The following NEK1 variants were observed in gnomAD, a reference collection of about 807,000 sequenced individuals.
The protein encoded by NEK1 is NIMA related kinase 1.
NEK1 carries 137 observed loss-of-function variants against 182.1 expected under a neutral mutation model. The ratio of observed to expected loss-of-function variants is 0.75; its 90% confidence interval spans 0.65 to 0.87. The LOEUF (loss-of-function observed/expected upper bound fraction) is 0.87. NEK1 is among the 40% of genes least tolerant of loss of function. The pLI is 0.00. For synonymous variants in NEK1, 513 were observed against 492.2 expected (o/e 1.04, Z -0.56); for missense variants, 1,391 against 1,494.4 (o/e 0.93, Z 1.14).
chr4:169,571,950 T>C (rs1764938500), intron 12 of NEK1, among the ~76,000 whole-genome samples: 1 of 149,376 alleles, frequency 6.7e-6, no homozygotes, highest in South Asian at 2.1e-4. Flanking sequence ...ATGTTGGCCA[T>C]GATGGTCTCA....
At chr4:169,401,534 G>T (rs559882950) in intron 33 of NEK1, 118 bp downstream of exon 33, 2 of 687,654 alleles carry the variant, frequency 2.9e-6, no homozygotes, top group Non-Finnish European at 4.6e-6. Context: ...AGACCCAGAG[G>T]CATGCTTCAG....
intron 19 of NEK1, among the ~76,000 whole-genome samples, chr4:169,513,738 A>G (rs962152286): frequency 1.3e-5 from 2 of 152,054 alleles, no homozygotes; most frequent in Admixed American, 6.5e-5. Flanking sequence ...ATTCCCCTGT[A>G]TTTCTAGTGT....
chr4:169,499,952 C>G (rs1752111752), intron 23 of NEK1, among the ~76,000 whole-genome samples: 1 of 152,186 alleles, frequency 6.6e-6, no homozygotes, highest in African/African-American at 2.4e-5. Flanking sequence ...TTTAAGTCTG[C>G]AGAGGATTCT....
chr4:169,592,805 AG>A (rs1768765393), intron 5 of NEK1, among the ~76,000 whole-genome samples: 1 of 152,192 alleles, frequency 6.6e-6, no homozygotes, highest in African/African-American at 2.4e-5. Flanking sequence ...TTAAGTATAA[AG>A]ATCAAAAACA....
At chr4:169,591,727 A>G (rs560132366) in intron 5 of NEK1, among the ~76,000 whole-genome samples, 13 of 152,316 alleles carry the variant, frequency 8.5e-5, no homozygotes, top group African/African-American at 3.1e-4. Context: ...GTAATAATTG[A>G]CTAAAGCAGG....
At chr4:169,461,846 C>CT (rs1165669446) in intron 27 of NEK1, among the ~76,000 whole-genome samples, 2 of 152,054 alleles carry the variant, frequency 1.3e-5, no homozygotes, top group Non-Finnish European at 2.9e-5. Flanking sequence ...CAAGAATGAT[C>CT]TTTTTTTCCT....
chr4:169,555,549 C>CAT, intron 18 of NEK1, 171 bp downstream of exon 18: 1 of 578,700 alleles, frequency 1.7e-6, no homozygotes, highest in South Asian at 1.8e-5. Flanking sequence ...TACATGCTTT[C>CAT]AGAGTAATCA....
chr4:169,529,802 A>G (rs1411372294), intron 19 of NEK1, among the ~76,000 whole-genome samples: 1 of 152,204 alleles, frequency 6.6e-6, no homozygotes, highest in Non-Finnish European at 1.5e-5. Context: ...ATATGAAAAG[A>G]CATTCAACAT....
intron 23 of NEK1, among the ~76,000 whole-genome samples, chr4:169,499,062 C>T (rs1338207738): frequency 6.6e-6 from 1 of 152,190 alleles, no homozygotes; most frequent in African/African-American, 2.4e-5. Context: ...TAGATTTGGT[C>T]TTTTCACATA....
intron 29 of NEK1, 21 bp from the exon 30 acceptor site, chr4:169,426,255 A>C (rs1451401423): frequency 6.3e-7 from 1 of 1,591,204 alleles, no homozygotes; most frequent in Admixed American, 1.7e-5. Flanking sequence ...TGGGTACACC[A>C]ATTAAAAACA....
intron 23 of NEK1, among the ~76,000 whole-genome samples, chr4:169,486,109 A>T (rs1748997932): frequency 6.6e-6 from 1 of 152,172 alleles, no homozygotes; most frequent in South Asian, 2.1e-4. Flanking sequence ...AAATATAAAA[A>T]TGTGCAAAAA....
rs371461662 is a variant in NEK1, at chr4:169,469,760, C to T, written c.2435-6365G>A. ...ATTATTATGTGGGAGTCTAAGTCTCCTTGTAGGTCTCTAAGAACTTGCTTT... is the reference window on the plus strand; with the variant it reads ...ATTATTATGTGGGAGTCTAAGTCTCTTTGTAGGTCTCTAAGAACTTGCTTT... On this transcript the variant is annotated intron_variant, in intron 26 of 35. Coordinates refer to ENST00000507142, the MANE Select transcript of NEK1 (RefSeq NM_001199397.3). Among the ~76,000 whole-genome samples the T allele has an allele frequency of 2.4e-4, 36 of 152,064 alleles. 1 individual carries two copies. The East Asian group carries it at 6.6e-3, about 28-fold the overall frequency.
chr4:169,601,360 G>T (rs1188432531), intron 4 of NEK1, among the ~76,000 whole-genome samples: 1 of 152,062 alleles, frequency 6.6e-6, no homozygotes, highest in Non-Finnish European at 1.5e-5. Context: ...AGAATATTTG[G>T]GTAGGACTTC....
chr4:169,590,133 C>A (rs1261309912), intron 6 of NEK1, among the ~76,000 whole-genome samples: 1 of 152,002 alleles, frequency 6.6e-6, no homozygotes, highest in Non-Finnish European at 1.5e-5. Flanking sequence ...CATGGTGAAA[C>A]CCCATCTCTA....
intron 19 of NEK1, among the ~76,000 whole-genome samples, chr4:169,521,054 T>C (rs1327516129): frequency 1.1e-5 from 1 of 91,326 alleles, no homozygotes; most frequent in Non-Finnish European, 2.2e-5. Flanking sequence ...GCTTCCAGGC[T>C]GCTTTGTTTA....
At chr4:169,610,418 A>AT (rs1772129987) in intron 2 of NEK1, among the ~76,000 whole-genome samples, 2 of 152,064 alleles carry the variant, frequency 1.3e-5, no homozygotes, top group Non-Finnish European at 2.9e-5. Flanking sequence ...GGTTCAAGCA[A>AT]TTATCCTGTG....
intron 24 of NEK1, 135 bp from the exon 25 acceptor site, chr4:169,477,632 A>G: frequency 1.6e-6 from 1 of 631,196 alleles, no homozygotes; most frequent in East Asian, 2.9e-5. Context: ...ATAAAATGTT[A>G]ACAAAGCTTC....
rs537998154 is a variant in NEK1 at position 169,406,344 on chromosome 4, T to C, written c.3374+252A>G. Among the ~76,000 whole-genome samples, 256 of 152,162 alleles carry C rather than the reference T, an allele frequency of 1.7e-3. 1 individual carries two copies. The highest frequency in any genetic ancestry group is 5.7e-3 in the African/African-American group (237 of 41,492). On this transcript the variant is annotated intron_variant, in intron 32 of 35. Transcript: ENST00000507142. ...AAAGAGCTAGGTAAGTTATCCCCTC[T>C]TTTTTACATATAAATTCAGAAACTC...
chr4:169,421,554 T>C (rs1735493575), intron 31 of NEK1, among the ~76,000 whole-genome samples: 1 of 151,946 alleles, frequency 6.6e-6, no homozygotes, highest in African/African-American at 2.4e-5. Context: ...TGAGTTCTCA[T>C]GAGATCTGAC....
Sources: gnomAD v4.1 joint callset for allele counts (sites outside exome capture counted in the v4.1 genomes callset) on GRCh38, gnomAD v4.1.1 for gene constraint, MANE v1.5 for transcripts, NCBI Gene and HGNC (gene_info 2026-07-23, HGNC 2026-07-21) for gene names.